The following CDH13 variants were observed in gnomAD, a reference collection of about 807,000 sequenced individuals.
The protein encoded by CDH13 is cadherin-13.
CDH13 carries 24 observed loss-of-function variants against 63.8 expected under a neutral mutation model. The ratio of observed to expected loss-of-function variants is 0.38; its 90% CI spans 0.27 to 0.53. CDH13 has a LOEUF of 0.53. CDH13 is among the 20% of genes least tolerant of loss of function. CDH13 has a pLI of 0.85. For synonymous variants in CDH13, 503 were observed against 355.3 expected (o/e 1.42, Z -4.67); for missense variants, 1,049 against 903.1 (o/e 1.16, Z -2.07).
At chr16:83,264,208 G>A (rs1224691657) in intron 5 of CDH13, among the ~76,000 whole-genome samples, 5 of 152,068 alleles carry the variant, frequency 3.3e-5, no homozygotes, top group Non-Finnish European at 5.9e-5. Context: ...CCAGTATGAT[G>A]CTCTCCTGAT....
intron 10 of CDH13, among the ~76,000 whole-genome samples, chr16:83,738,395 G>A (rs1047377972): frequency 5.9e-5 from 9 of 152,380 alleles, no homozygotes; most frequent in African/African-American, 1.9e-4. Flanking sequence ...AATGTTAATA[G>A]TGCTTATCTC....
intron 4 of CDH13, among the ~76,000 whole-genome samples, chr16:83,147,618 C>T (rs1401051787): frequency 2.0e-5 from 3 of 152,148 alleles, no homozygotes; most frequent in East Asian, 1.9e-4. Flanking sequence ...CCTTTTTCTT[C>T]GGGTCCTTTC....
chr16:83,059,349 C>G (rs944773392), intron 3 of CDH13, among the ~76,000 whole-genome samples: 4 of 152,130 alleles, frequency 2.6e-5, no homozygotes, highest in African/African-American at 9.7e-5. Flanking sequence ...CTGTTTAGAA[C>G]AAGTTCCTGT....
chr16:83,608,421 C>G (rs1567802213), intron 8 of CDH13, among the ~76,000 whole-genome samples: 1 of 152,124 alleles, frequency 6.6e-6, no homozygotes, highest in East Asian at 1.9e-4. Flanking sequence ...TTCTAAAAGT[C>G]AGTGTGGAGT....
chr16:83,411,452 GTC>G (rs1034295990), intron 6 of CDH13, among the ~76,000 whole-genome samples: 1 of 152,194 alleles, frequency 6.6e-6, no homozygotes, highest in Non-Finnish European at 1.5e-5. Flanking sequence ...CATGGGCCTT[GTC>G]TCTCTTGTTC....
At chr16:83,735,888 G>A (rs1273741943) in intron 10 of CDH13, 1 of 152,158 alleles carries the variant, frequency 6.6e-6, no homozygotes, top group Non-Finnish European at 1.5e-5. Context: ...CAGTCCTTGT[G>A]GGTCTTGTTC....
At chr16:82,898,431 A>G (rs138384448) in intron 2 of CDH13, among the ~76,000 whole-genome samples, 51 of 152,340 alleles carry the variant, frequency 3.3e-4, no homozygotes, top group African/African-American at 1.2e-3. Flanking sequence ...AGGTGGAGAC[A>G]GGAGAATTAC....
At chr16:83,211,284 T>C (rs1427179500) in intron 4 of CDH13, among the ~76,000 whole-genome samples, 9 of 152,162 alleles carry the variant, frequency 5.9e-5, no homozygotes, top group Admixed American at 5.9e-4. Context: ...ATGTCAACAT[T>C]AGGGGAAATT....
At chr16:83,165,061 T>C (rs1170398096) in intron 4 of CDH13, among the ~76,000 whole-genome samples, 3 of 137,120 alleles carry the variant, frequency 2.2e-5, no homozygotes, top group Non-Finnish European at 4.6e-5. Context: ...AGAAAGTGTG[T>C]GGGAGATGAG....
chr16:82,842,349 G>C (rs1036867806), intron 1 of CDH13, among the ~76,000 whole-genome samples: 6 of 151,442 alleles, frequency 4.0e-5, no homozygotes, highest in African/African-American at 1.5e-4. Context: ...GACAGTTCAA[G>C]GACTACAAAT....
At chr16:83,302,812 A>G (rs73595970) in intron 5 of CDH13, among the ~76,000 whole-genome samples, 11,799 of 152,250 alleles carry the variant, frequency 0.077, 1,058 homozygotes, top group African/African-American at 0.22. Context: ...CAGGTGACAC[A>G]GTGAGGTTGC....
chr16:83,245,335 C>T (rs903190877), intron 5 of CDH13, among the ~76,000 whole-genome samples: 1 of 152,138 alleles, frequency 6.6e-6, no homozygotes, highest in Non-Finnish European at 1.5e-5. Context: ...GCATTAAATG[C>T]TGAGAAAATC....
intron 6 of CDH13, among the ~76,000 whole-genome samples, chr16:83,392,428 G>C (rs2091806207): frequency 6.6e-6 from 1 of 152,218 alleles, no homozygotes; most frequent in African/African-American, 2.4e-5. Context: ...AATGAGCTAA[G>C]ATTCTGAGTG....
At chr16:83,501,185 T>A (rs1487983094) in intron 7 of CDH13, among the ~76,000 whole-genome samples, 1 of 152,212 alleles carries the variant, frequency 6.6e-6, no homozygotes, top group African/African-American at 2.4e-5. Context: ...CATTTTGTGG[T>A]TATATGTTTC....
At chr16:83,346,368 GA>G (rs1291779486) in intron 6 of CDH13, among the ~76,000 whole-genome samples, 1 of 152,174 alleles carries the variant, frequency 6.6e-6, no homozygotes, top group Non-Finnish European at 1.5e-5. Context: ...GATGTTTACA[GA>G]AATCTTCTTA....
rs1909855108 is a variant in CDH13 at position 82,644,585 on chromosome 16, G to A, written c.45+17448G>A. On this transcript the variant is annotated intron_variant, in intron 1 of 13. Transcript: ENST00000567109. This position sits in a 1 kb window ranked among gnomAD's most constrained non-coding sequence, Gnocchi z 5.7. The stretch of plus-strand genomic sequence containing the variant: ...TGGGTGCTGGAAGGGGAGGCTTTAT[G>A]GAGGCAAAGCTGAGGGGCTGTACGT... Among the ~76,000 whole-genome samples the A allele has an allele frequency of 6.6e-6, 1 of 152,176 alleles. No homozygotes were observed. The highest frequency in any genetic ancestry group is 1.5e-5 in the Non-Finnish European group (1 of 68,026).
At chr16:82,690,520 A>C (rs542420764) in intron 1 of CDH13, among the ~76,000 whole-genome samples, 6 of 152,330 alleles carry the variant, frequency 3.9e-5, no homozygotes, top group African/African-American at 1.4e-4. Flanking sequence ...AGCCTAAGCT[A>C]TTCTGGATAG....
At chr16:83,523,397 T>G (rs1307070503) in intron 7 of CDH13, among the ~76,000 whole-genome samples, 1 of 152,242 alleles carries the variant, frequency 6.6e-6, no homozygotes, top group African/African-American at 2.4e-5. Flanking sequence ...TCTTCAATCC[T>G]GATAGCTTTT....
chr16:83,473,884 A>G (rs577300582), intron 6 of CDH13, among the ~76,000 whole-genome samples: 1 of 144,124 alleles, frequency 6.9e-6, no homozygotes, highest in African/African-American at 2.5e-5. Flanking sequence ...AAAATGGGCT[A>G]ATGACACCTG....
Sources: gnomAD v4.1 joint callset for allele counts (sites outside exome capture counted in the v4.1 genomes callset) on GRCh38, gnomAD v4.1.1 for gene constraint, Gnocchi (gnomAD v3.1) non-coding constraint, MANE v1.5 for transcripts, NCBI Gene and HGNC (gene_info 2026-07-23, HGNC 2026-07-21) for gene names.